Variants in SEMA3G observed in about 807,000 individuals in gnomAD.
The protein encoded by SEMA3G is semaphorin-3G.
A neutral mutation model predicts 86.2 loss-of-function variants in SEMA3G; 70 were observed. The observed-to-expected ratio is 0.81, with a 90% CI of 0.67 to 0.99. SEMA3G has a LOEUF of 0.99. Among genes scored for constraint, SEMA3G ranks in the 50% least tolerant of loss-of-function variants. The pLI, the probability that SEMA3G is intolerant of heterozygous loss-of-function variation, is 0.00. For missense variants in SEMA3G, 1,002 were observed against 1,072.4 expected (o/e 0.93, Z 0.92); for synonymous variants, 416 against 441.4 (o/e 0.94, Z 0.72).
Position 52,444,949 on chromosome 3 carries a change from C to G in SEMA3G, c.79G>C (p.Gly27Arg), listed in dbSNP as rs549971425. Residue 27 changes from glycine to arginine, a missense_variant, in exon 1 of 16, where the codon GGC becomes CGC. Transcript: ENST00000231721. ...LHGGSSGPSP[G>R]PSVPRLRLSY... ...AGCCGCAGGCGGGGCACACTGGGGC[C>G]GGGGCTGGGGCCAGAGCTACCCCCA... 1.5e-6 allele frequency: 2 copies of G among 1,301,744 alleles called. No individual in the cohort carries two copies. The highest frequency in any genetic ancestry group is 5.2e-5 in the South Asian group (2 of 38,810). 80.6% of individuals were successfully genotyped at this position (1,301,744 alleles called of 1,614,324 possible). A position where few individuals can be genotyped will look rare whatever the true frequency, so the allele number is the denominator to read the frequency against.
chr3:52,439,797 G>A (rs749594986), intron 11 of SEMA3G, 26 bp from the exon 12 acceptor site: 15 of 1,610,798 alleles, frequency 9.3e-6, no homozygotes, highest in South Asian at 2.2e-5. Flanking sequence ...AGGGGTCAGC[G>A]GGACAGGAGG....
In SEMA3G at chr3:52,436,007, C is replaced by T. The variant is rs761552999; in HGVS notation, c.1945G>A (p.Asp649Asn). 82 of 1,613,598 alleles carry T rather than the reference C, an allele frequency of 5.1e-5. No homozygotes were observed. The highest frequency in any genetic ancestry group is 1.6e-4 in the Middle Eastern group (1 of 6,084). ...GTGGTGCAGGTGTAGGTGCCCGCAT[C>T]GAAACGGCTAAGCCTGCGGAACAGC... ...GLLFRRLSRF[D>N]AGTYTCTTLE... The change falls in exon 16 of 16, where the codon GAT (aspartate) becomes AAT (asparagine). Residue 649 changes from aspartate (D) to asparagine (N), a missense_variant. Transcript: ENST00000231721.
At chr3:52,444,861 A>G (rs997099740) in intron 1 of SEMA3G, 52 bp downstream of exon 1, 7 of 1,261,388 alleles carry the variant, frequency 5.5e-6, no homozygotes, top group Admixed American at 4.2e-5. Flanking sequence ...AACAGAGCGC[A>G]CACACACAAA....
chr3:52,442,585 A>T lies in SEMA3G; in HGVS notation c.313T>A (p.Cys105Ser). The T allele has an allele frequency of 6.2e-7, 1 of 1,613,172 alleles. No individual in the cohort carries two copies. Among genetic ancestry groups the T allele is most frequent in the South Asian group, 1.1e-5 (1 of 91,030 alleles). ...WPPQPGQREE[C>S]VRKGRDPLTE... ...AAAGGATCTCTTCCCTTTCGAACAC[A>T]CTCCTCCCTCTGTCCTGGCTGCGGT... is the stretch of plus-strand genomic sequence containing the variant. Residue 105 changes from cysteine (C) to serine (S), a missense_variant, in exon 3 of 16, where the codon TGT becomes AGT. Coordinates refer to ENST00000231721, the MANE Select transcript of SEMA3G (RefSeq NM_020163.3). The surrounding 1 kb of genome is among the most constrained non-coding windows in gnomAD (Gnocchi z 6.1).
Position 52,438,193 on chromosome 3 carries a change from G to A in SEMA3G, c.1516C>T (p.Leu506=). The change falls in exon 14 of 16, where the codon CTA becomes TTA. Residue 506 remains leucine (L), a synonymous_variant. Transcript: ENST00000231721. ...ACACCCAGCCGAGAGCCCACGTATAGCATTTGCTGGGGAGGGACAGAAGCA... is the reference window on the plus strand; with the variant it reads ...ACACCCAGCCGAGAGCCCACGTATAACATTTGCTGGGGAGGGACAGAAGCA... ...EMEISVKRQM[L]YVGSRLGVAQ... 6.2e-7 allele frequency: 1 copy of A among 1,612,506 alleles called. No homozygotes were observed. The highest frequency in any genetic ancestry group is 1.7e-5 in the Admixed American group (1 of 59,960).
Position 52,441,030 on chromosome 3 carries a change from G to T in SEMA3G, c.832C>A (p.Arg278=). Residue 278 remains arginine (R), a synonymous_variant, in exon 8 of 16, where the codon CGG becomes AGG. Coordinates refer to ENST00000231721, the MANE Select transcript of SEMA3G (RefSeq NM_020163.3). ...GTGCTCCATTTGTTCACCAGCACCC[G>T]CTGGCCCCCAGCATCATTCTGCAGG... ...RVCVNDAGGQ[R]VLVNKWSTFL... 6.3e-7 allele frequency: 1 copy of T among 1,599,480 alleles called. No homozygotes were observed. The highest frequency in any genetic ancestry group is 8.5e-7 in the Non-Finnish European group (1 of 1,178,290).
chr3:52,441,627 C>T lies in SEMA3G; in HGVS notation c.614G>A (p.Ser205Asn), dbSNP rs1706157289. 1 of 1,613,778 alleles carries T rather than the reference C, an allele frequency of 6.2e-7. No individual in the cohort carries two copies. Among genetic ancestry groups the T allele is most frequent in the Non-Finnish European group, 8.5e-7 (1 of 1,180,014 alleles). ...FLGREAMIFR[S>N]GGPRPALRSD... ...ACGCAGAGCTGGCCGAGGACCTCCA[C>T]TTCGGAAGATCATGGCCTCTCGCCC... The change falls in exon 6 of 16, where the codon AGT becomes AAT. Residue 205 changes from serine to asparagine, a missense_variant. Transcript: ENST00000231721.
chr3:52,442,799 A>G lies in SEMA3G; in HGVS notation c.224T>C (p.Leu75Pro), dbSNP rs749509832. 6 of 1,613,984 alleles carry G rather than the reference A, an allele frequency of 3.7e-6. No homozygotes were observed. The highest frequency in any genetic ancestry group is 5.1e-6 in the Non-Finnish European group (6 of 1,179,962). ...EYRDRLFLGG[L>P]DALYSLRLDQ... The stretch of plus-strand genomic sequence containing the variant: ...CAGCCGCAGAGAGTAGAGGGCGTCC[A>G]GGCCACCCAGAAAGAGGCGGTCTCG... Residue 75 changes from leucine to proline, a missense_variant, in exon 2 of 16, where the codon CTG (leucine) becomes CCG (proline). Physicochemically the swap from Leu to Pro is moderately conservative, Grantham distance 98. Coordinates refer to ENST00000231721, the MANE Select transcript of SEMA3G (RefSeq NM_020163.3). The surrounding 1 kb of genome is among the most constrained non-coding windows in gnomAD (Gnocchi z 6.1).
chr3:52,439,076 T>C, intron 12 of SEMA3G, 115 bp from the exon 13 acceptor site: 1 of 1,090,718 alleles, frequency 9.2e-7, no homozygotes. Flanking sequence ...CCAGGCTGGG[T>C]CTTGCACTCC....
Position 52,442,010 on chromosome 3 carries a change from G to A in SEMA3G, c.460-101C>T, listed in dbSNP as rs1431623185. 2.3e-6 allele frequency: 3 copies of A among 1,314,816 alleles called. No individual in the cohort carries two copies. Among genetic ancestry groups the A allele is most frequent in the Admixed American group, 2.1e-5 (1 of 47,466 alleles). 81.4% of individuals were successfully genotyped at this position (1,314,816 alleles called of 1,614,324 possible). ...CCTCGCGTGCGGCCAGAGAGCGGGGGTGGGCGGAAGGCGTCCTCATCCAGG... is the reference window on the plus strand; with the variant it reads ...CCTCGCGTGCGGCCAGAGAGCGGGGATGGGCGGAAGGCGTCCTCATCCAGG... On this transcript the variant is annotated intron_variant, in intron 4 of 15. Coordinates refer to ENST00000231721, the MANE Select transcript of SEMA3G (RefSeq NM_020163.3). The surrounding 1 kb of genome is among the most constrained non-coding windows in gnomAD (Gnocchi z 6.1).
intron 15 of SEMA3G, among the ~76,000 whole-genome samples, chr3:52,436,553 C>T (rs1706052656): frequency 6.6e-6 from 1 of 152,222 alleles, no homozygotes; most frequent in Admixed American, 6.5e-5. Flanking sequence ...CGTGCACGCA[C>T]ACACACACAG....
intron 1 of SEMA3G, among the ~76,000 whole-genome samples, chr3:52,444,579 T>G (rs200698630): frequency 0.021 from 921 of 43,106 alleles, no homozygotes; most frequent in Middle Eastern, 0.026. Flanking sequence ...ACACAAACAC[T>G]GCACACGCAC....
Position 52,442,449 on chromosome 3 carries a change from G to T in SEMA3G, c.339+110C>A. On this transcript the variant is annotated intron_variant, in intron 3 of 15. Transcript: ENST00000231721. The surrounding 1 kb of genome is among the most constrained non-coding windows in gnomAD (Gnocchi z 6.1). The stretch of plus-strand genomic sequence containing the variant: ...CCAGCAGACCTTCAAAAGCCCTCAA[G>T]ATCTGCTCCAAATGCCCCTGGTAGA... The T allele has an allele frequency of 1.4e-6, 2 of 1,388,806 alleles. No individual in the cohort carries two copies. The highest frequency in any genetic ancestry group is 2.0e-6 in the Non-Finnish European group (2 of 983,824). The allele number at this position is 1,388,806 out of a possible 1,614,324, so 86.0% of individuals were successfully genotyped here.
chr3:52,440,264 T>G, intron 10 of SEMA3G, 113 bp downstream of exon 10: 2 of 1,254,260 alleles, frequency 1.6e-6, no homozygotes, highest in Non-Finnish European at 2.2e-6. Context: ...AGCCCAGGCT[T>G]GGCCAACGTC....
At position 52,442,463 on chromosome 3, in the gene SEMA3G, G is replaced by A; in HGVS notation, c.339+96C>T. ...AAAGCCCTCAAGATCTGCTCCAAAT[G>A]CCCCTGGTAGAGGTACCTGGGGCGT... On this transcript the variant is annotated intron_variant, in intron 3 of 15. Transcript: ENST00000231721. This position sits in a 1 kb window ranked among gnomAD's most constrained non-coding sequence, Gnocchi z 6.1. 2 of 1,443,200 alleles carry A rather than the reference G, an allele frequency of 1.4e-6. No homozygotes were observed. Among genetic ancestry groups the A allele is most frequent in the Non-Finnish European group, 1.9e-6 (2 of 1,029,590 alleles). The allele number at this position is 1,443,200 out of a possible 1,614,324, so 89.4% of individuals were successfully genotyped here.
rs758720565 is a variant in SEMA3G at position 52,442,479 on chromosome 3, C to A, written c.339+80G>T. On this transcript the variant is annotated intron_variant, in intron 3 of 15. Coordinates refer to ENST00000231721, the MANE Select transcript of SEMA3G (RefSeq NM_020163.3). The surrounding 1 kb of genome is among the most constrained non-coding windows in gnomAD (Gnocchi z 6.1). ...GCTCCAAATGCCCCTGGTAGAGGTA[C>A]CTGGGGCGTGGTCACGGATTGTCCT... The A allele has an allele frequency of 4.8e-5, 73 of 1,529,830 alleles. No individual in the cohort carries two copies. The highest frequency in any genetic ancestry group is 6.6e-5 in the Non-Finnish European group (73 of 1,105,414). The allele number at this position is 1,529,830 out of a possible 1,614,324, so 94.8% of individuals were successfully genotyped here.
Position 52,435,828 on chromosome 3 carries a change from C to T in SEMA3G, c.2124G>A (p.Lys708=), listed in dbSNP as rs143316722. 1 of 1,614,144 alleles carries T rather than the reference C, an allele frequency of 6.2e-7. No homozygotes were observed. The highest frequency in any genetic ancestry group is 8.5e-7 in the Non-Finnish European group (1 of 1,180,012). The change falls in exon 16 of 16, where the codon AAG becomes AAA. Residue 708 remains lysine, a synonymous_variant. Transcript: ENST00000231721. The part of the protein sequence containing the change: ...LASTPPKAWY[K]DILQLIGFAN... ...CGAAGCCAATGAGCTGCAGGATGTCCTTGTACCAGGCCTTGGGTGGGGTGG... is the reference window on the plus strand; with the variant it reads ...CGAAGCCAATGAGCTGCAGGATGTCTTTGTACCAGGCCTTGGGTGGGGTGG...
chr3:52,437,940 A>G (rs916704010), intron 14 of SEMA3G, 31 bp downstream of exon 14: 3 of 1,587,252 alleles, frequency 1.9e-6, no homozygotes, highest in Non-Finnish European at 2.6e-6. Context: ...GTTCCAGCCC[A>G]GTCTGGGCCC....
Position 52,442,181 on chromosome 3 carries a change from T to C in SEMA3G, c.459+4A>G. ...GTCCCTTGTGGGGCCTGGCCCAGGCTCACCTCCCCACGGTGGCCAACTGTG... is the reference window on the plus strand; with the variant it reads ...GTCCCTTGTGGGGCCTGGCCCAGGCCCACCTCCCCACGGTGGCCAACTGTG... On this transcript the variant is annotated splice_donor_region_variant and intron_variant, in intron 4 of 15. Coordinates refer to ENST00000231721, the MANE Select transcript of SEMA3G (RefSeq NM_020163.3). This position sits in a 1 kb window ranked among gnomAD's most constrained non-coding sequence, Gnocchi z 6.1. 1 of 1,612,556 alleles carries C rather than the reference T, an allele frequency of 6.2e-7. No individual in the cohort carries two copies.
Sources: gnomAD v4.1 joint callset for allele counts (sites outside exome capture counted in the v4.1 genomes callset) on GRCh38, gnomAD v4.1.1 for gene constraint, Gnocchi (gnomAD v3.1) non-coding constraint, MANE v1.5 for transcripts, NCBI Gene and HGNC (gene_info 2026-07-23, HGNC 2026-07-21) for gene names.